PTPRG: variants seen among roughly 807,000 people sequenced by gnomAD.
PTPRG encodes receptor-type tyrosine-protein phosphatase gamma.
A neutral mutation model predicts 165.3 loss-of-function variants in PTPRG; 102 were observed. The ratio of observed to expected loss-of-function variants is 0.62; its 90% CI spans 0.53 to 0.73. The LOEUF (loss-of-function observed/expected upper bound fraction) is 0.73. Among genes scored for constraint, PTPRG ranks in the 30% least tolerant of loss-of-function variants. PTPRG has a pLI of 0.00. For synonymous variants in PTPRG, 675 were observed against 669.5 expected, an observed-to-expected ratio of 1.01 and a Z score of -0.13; for missense variants, 1,866 against 1,861.4, an observed-to-expected ratio of 1.00 and a Z score of -0.05.
At chr3:61,926,501 C>G (rs2039213932) in intron 2 of PTPRG, among the ~76,000 whole-genome samples, 1 of 151,886 alleles carries the variant, frequency 6.6e-6, no homozygotes, top group Non-Finnish European at 1.5e-5. Context: ...ACCATGCATC[C>G]TGTACAGGCT....
In PTPRG at chr3:62,240,290, G is replaced by A. The variant is rs192733375; in HGVS notation, c.2376-3517G>A. 2.0e-4 allele frequency among the ~76,000 whole-genome samples: 30 copies of A among 152,136 alleles called. No individual in the cohort carries two copies. Among genetic ancestry groups the A allele is most frequent in the African/African-American group, 6.7e-4 (28 of 41,504 alleles). On this transcript the variant is annotated intron_variant, in intron 14 of 29. Transcript: ENST00000474889. The surrounding 1 kb of genome is among the most constrained non-coding windows in gnomAD (Gnocchi z 5.1). ...GCGGAGGTTGCAGTGAGCTGAGATCGTGCCACTGCACTCCAGCCTGGATGA... is the reference window on the plus strand; with the variant it reads ...GCGGAGGTTGCAGTGAGCTGAGATCATGCCACTGCACTCCAGCCTGGATGA...
chr3:61,983,576 T>C (rs2040689809), intron 2 of PTPRG, among the ~76,000 whole-genome samples: 1 of 152,166 alleles, frequency 6.6e-6, no homozygotes, highest in Non-Finnish European at 1.5e-5. Flanking sequence ...TTTGGATCTA[T>C]TGTGGTAAAA....
Position 62,269,073 on chromosome 3 carries a change from G to A in PTPRG, c.2913G>A (p.Glu971=). 1.2e-6 allele frequency: 2 copies of A among 1,604,456 alleles called. No individual in the cohort carries two copies. Among genetic ancestry groups the A allele is most frequent in the Non-Finnish European group, 1.7e-6 (2 of 1,172,858 alleles). The change falls in exon 20 of 30, where the codon GAG becomes GAA. Residue 971 remains glutamate, a synonymous_variant. Coordinates refer to ENST00000474889, the MANE Select transcript of PTPRG (RefSeq NM_002841.4). ...CDQYWPTENS[E]EYGNIIVTLK... ...AGTATTGGCCAACAGAGAACAGTGA[G>A]GAATATGGAAACATTATTGTCACGC... is the stretch of plus-strand genomic sequence containing the variant.
intron 1 of PTPRG, among the ~76,000 whole-genome samples, chr3:61,661,115 C>A (rs1702650677): frequency 6.6e-6 from 1 of 151,768 alleles, no homozygotes; most frequent in African/African-American, 2.4e-5. Flanking sequence ...GCTCAGTTGT[C>A]CAGGCTGAGT....
At chr3:61,916,383 C>A (rs534333139) in intron 2 of PTPRG, among the ~76,000 whole-genome samples, 114 of 152,170 alleles carry the variant, frequency 7.5e-4, no homozygotes, top group African/African-American at 2.7e-3. Context: ...TTTGAAAATT[C>A]TAATTTTCGT....
chr3:62,145,547 A>ATGG, intron 6 of PTPRG, among the ~76,000 whole-genome samples: 1 of 152,300 alleles, frequency 6.6e-6, no homozygotes, highest in African/African-American at 2.4e-5. Flanking sequence ...GAAGATGATG[A>ATGG]TGATGATGAT....
At chr3:61,955,893 T>G (rs2040015887) in intron 2 of PTPRG, among the ~76,000 whole-genome samples, 5 of 152,020 alleles carry the variant, frequency 3.3e-5, no homozygotes. Flanking sequence ...CACTGTGGAG[T>G]GTCAACAGAA....
At position 61,603,146 on chromosome 3, in the gene PTPRG, T is replaced by G. The variant is rs530243099; in HGVS notation, c.85+40774T>G. Among the ~76,000 whole-genome samples, 11 of 152,250 alleles carry G rather than the reference T, an allele frequency of 7.2e-5. No homozygotes were observed. In the South Asian group the frequency reaches 2.3e-3, roughly 32 times the overall value. ...CAGCCACCCTGCTGGAACTGGATGG[T>G]AAGTGTTTACCAAACCACCACTGAC... On this transcript the variant is annotated intron_variant, in intron 1 of 29. Coordinates refer to ENST00000474889, the MANE Select transcript of PTPRG (RefSeq NM_002841.4).
intron 6 of PTPRG, among the ~76,000 whole-genome samples, chr3:62,144,804 T>A (rs2106655581): frequency 6.6e-6 from 1 of 152,304 alleles, no homozygotes; most frequent in Non-Finnish European, 1.5e-5. Context: ...CTGTGCGACT[T>A]CTATTTTATC....
At chr3:61,996,468 G>A (rs531668558) in intron 3 of PTPRG, among the ~76,000 whole-genome samples, 1 of 152,172 alleles carries the variant, frequency 6.6e-6, no homozygotes, top group Non-Finnish European at 1.5e-5. Context: ...CTGATGAATA[G>A]GTCATTTCAC....
intron 21 of PTPRG, among the ~76,000 whole-genome samples, chr3:62,272,375 C>A (rs1354935198): frequency 1.3e-5 from 2 of 152,110 alleles, no homozygotes; most frequent in Non-Finnish European, 2.9e-5. Flanking sequence ...TTTTTGTCAG[C>A]CACAGTAAAT....
chr3:62,166,597 A>T (rs942388000), intron 7 of PTPRG, among the ~76,000 whole-genome samples: 5 of 152,044 alleles, frequency 3.3e-5, no homozygotes, highest in African/African-American at 1.2e-4. Flanking sequence ...TGGCCTCCCA[A>T]AGCGGTGGGA....
At chr3:61,763,637 T>C (rs10222410) in intron 2 of PTPRG, among the ~76,000 whole-genome samples, 151,455 of 151,464 alleles carry the variant, frequency 1, 75,723 homozygotes, top group Middle Eastern at 1. Context: ...TCCCAAAGTG[T>C]TGGGATTACA....
At chr3:62,021,373 G>A (rs1262308353) in intron 4 of PTPRG, among the ~76,000 whole-genome samples, 1 of 152,210 alleles carries the variant, frequency 6.6e-6, no homozygotes, top group African/African-American at 2.4e-5. Context: ...TAGGAGAGAT[G>A]TCTAACATGC....
chr3:62,264,152 A>C (rs1391143181), intron 17 of PTPRG: 2 of 151,904 alleles, frequency 1.3e-5, no homozygotes, highest in African/African-American at 4.9e-5. Flanking sequence ...TCTGAAAAAA[A>C]AAAAAAAAAT....
intron 1 of PTPRG, among the ~76,000 whole-genome samples, chr3:61,585,083 C>A (rs144717345): frequency 2.0e-5 from 3 of 151,672 alleles, no homozygotes; most frequent in Admixed American, 6.6e-5. Context: ...GAGTTCCAGA[C>A]CAGCCTGGCC....
rs200966216 is a variant in PTPRG, at chr3:61,998,317, GA to G, written c.371-5029del. Among the ~76,000 whole-genome samples the G allele has an allele frequency of 8.5e-4, 130 of 152,304 alleles. 2 individuals are homozygous for G. In the East Asian group the frequency reaches 0.022, roughly 26 times the overall value. On this transcript the variant is annotated intron_variant, in intron 3 of 29. Transcript: ENST00000474889. ...GCCCCAGACATAGGGAGAATCTGGT[GA>G]AATCTGTGGATCCTTCCCTAGGATA...
At chr3:62,204,772 T>C (rs1700185664) in intron 12 of PTPRG, among the ~76,000 whole-genome samples, 1 of 152,132 alleles carries the variant, frequency 6.6e-6, no homozygotes, top group African/African-American at 2.4e-5. Context: ...AGCCAGTGTA[T>C]AGACAGTGAG....
At chr3:61,798,997 C>T (rs1477353654) in intron 2 of PTPRG, among the ~76,000 whole-genome samples, 1 of 151,704 alleles carries the variant, frequency 6.6e-6, no homozygotes, top group East Asian at 1.9e-4. Flanking sequence ...TTCACCTTCT[C>T]TCCACCTGTT....
Sources: allele counts gnomAD v4.1 joint callset (sites outside exome capture counted in the v4.1 genomes callset), GRCh38; gene constraint gnomAD v4.1.1; non-coding constraint Gnocchi (gnomAD v3.1); transcripts MANE v1.5; gene names NCBI Gene and HGNC (gene_info 2026-07-23, HGNC 2026-07-21).